The following NDUFAF6 variants were observed in gnomAD, a reference collection of about 807,000 sequenced individuals.
NDUFAF6 encodes the protein NADH:ubiquinone oxidoreductase complex assembly factor 6, also known as NADH dehydrogenase (ubiquinone) complex I, assembly factor 6.
Under a neutral mutation model 40.8 loss-of-function variants are expected in NDUFAF6, and 45 were observed. That is an observed-to-expected ratio of 1.10 (90% CI 0.87 to 1.42). NDUFAF6 has a LOEUF of 1.42. NDUFAF6 is among the 40% of genes most tolerant of loss of function. The probability of loss-of-function intolerance (pLI) is 0.00; values close to 1 mark genes in which losing one functional copy is unlikely to be tolerated. For missense variants in NDUFAF6, 435 were observed against 418.5 expected, an observed-to-expected ratio of 1.04 and a Z score of -0.34; for synonymous variants, 185 against 155.9, an observed-to-expected ratio of 1.19 and a Z score of -1.39.
chr8:95,103,186 G>A (rs555508152), exon 3 of NDUFAF6: 3 of 152,242 alleles, frequency 2.0e-5, no homozygotes, highest in African/African-American at 7.2e-5. Flanking sequence ...GCTCTGATTG[G>A]TCAGCCCTTA....
chr8:95,051,298 T>G (rs1831398973), intron 7 of NDUFAF6, among the ~76,000 whole-genome samples: 1 of 152,086 alleles, frequency 6.6e-6, no homozygotes, highest in African/African-American at 2.4e-5. Flanking sequence ...GGAATAGAAC[T>G]GAGAGCCAGT....
upstream of NDUFAF6, among the ~76,000 whole-genome samples, chr8:95,021,051 A>G (rs1168397878): frequency 6.6e-6 from 1 of 152,214 alleles, no homozygotes; most frequent in African/African-American, 2.4e-5. Context: ...GTTGCGGCTT[A>G]CTTTGATTTA....
At chr8:94,918,665 G>T (rs568009151) in intron 1 of NDUFAF6, among the ~76,000 whole-genome samples, 9 of 152,250 alleles carry the variant, frequency 5.9e-5, no homozygotes. Flanking sequence ...TGTTCTGTTT[G>T]TATCCCCAGG....
chr8:95,031,268 G>T (rs1828805139), intron 1 of NDUFAF6, among the ~76,000 whole-genome samples: 1 of 152,192 alleles, frequency 6.6e-6, no homozygotes, highest in African/African-American at 2.4e-5. Flanking sequence ...GGCTCTTTCA[G>T]CAGGTGCTGC....
intron 2 of NDUFAF6, among the ~76,000 whole-genome samples, chr8:94,951,742 T>C (rs1212381092): frequency 6.6e-6 from 1 of 152,232 alleles, no homozygotes; most frequent in Non-Finnish European, 1.5e-5. Flanking sequence ...TAAAATTCTT[T>C]GCAGACACAC....
chr8:94,997,329 C>G (rs1043239525), intron 2 of NDUFAF6, among the ~76,000 whole-genome samples: 2 of 139,764 alleles, frequency 1.4e-5, no homozygotes, highest in Admixed American at 7.5e-5. Context: ...CACACACACA[C>G]ACACACACAC....
chr8:94,999,355 C>G (rs1480038430), intron 2 of NDUFAF6, among the ~76,000 whole-genome samples: 1 of 152,122 alleles, frequency 6.6e-6, no homozygotes, highest in Non-Finnish European at 1.5e-5. Context: ...ATCTCTTGAC[C>G]TCATGATATG....
intron 1 of NDUFAF6, among the ~76,000 whole-genome samples, chr8:94,906,721 A>T (rs1382486489): frequency 6.6e-6 from 1 of 152,226 alleles, no homozygotes; most frequent in Non-Finnish European, 1.5e-5. Flanking sequence ...GGTTCCTAGT[A>T]ATGAAAGCCA....
intron 2 of NDUFAF6, among the ~76,000 whole-genome samples, chr8:95,091,370 C>T (rs562507278): frequency 8.5e-5 from 13 of 152,096 alleles, no homozygotes; most frequent in African/African-American, 2.7e-4. Context: ...CATGAGAACT[C>T]GCTCACTATC....
At chr8:94,968,799 G>A (rs1309590465) in intron 1 of NDUFAF6, among the ~76,000 whole-genome samples, 1 of 152,220 alleles carries the variant, frequency 6.6e-6, no homozygotes, top group East Asian at 1.9e-4. Flanking sequence ...GCCCAGGGGA[G>A]AGAGAGCAAA....
At chr8:94,907,997 C>T (rs1233313601) in intron 1 of NDUFAF6, among the ~76,000 whole-genome samples, 1 of 152,172 alleles carries the variant, frequency 6.6e-6, no homozygotes, top group African/African-American at 2.4e-5. Flanking sequence ...CTACATTCAC[C>T]TCTCTACTAT....
At chr8:94,917,743 C>T (rs1819234156) in intron 1 of NDUFAF6, among the ~76,000 whole-genome samples, 1 of 152,308 alleles carries the variant, frequency 6.6e-6, no homozygotes, top group South Asian at 2.1e-4. Flanking sequence ...TGTTATCCTG[C>T]TCTTTGTCAA....
At chr8:95,005,735 TTTCTC>T (rs1487211455) in intron 2 of NDUFAF6, among the ~76,000 whole-genome samples, 1 of 151,778 alleles carries the variant, frequency 6.6e-6, no homozygotes, top group African/African-American at 2.4e-5. Flanking sequence ...CTTTGTGTCT[TTTCTC>T]TTCTATCCTT....
chr8:95,081,134 G>T (rs915213669), downstream of NDUFAF6, among the ~76,000 whole-genome samples: 6 of 131,746 alleles, frequency 4.6e-5, no homozygotes, highest in Non-Finnish European at 7.9e-5. Context: ...GGAGTCCTGA[G>T]TCCTGCATCT....
chr8:95,037,312 A>G (rs1043962348), intron 3 of NDUFAF6, among the ~76,000 whole-genome samples: 4 of 152,218 alleles, frequency 2.6e-5, no homozygotes, highest in African/African-American at 9.6e-5. Context: ...TCAGAGCTAT[A>G]TTTTATAATC....
chr8:95,048,521 A>G lies in NDUFAF6; in HGVS notation c.779A>G (p.Tyr260Cys), dbSNP rs746347617. 103 of 1,614,070 alleles carry G rather than the reference A, an allele frequency of 6.4e-5. No individual in the cohort carries two copies. Among genetic ancestry groups the G allele is most frequent in the Admixed American group, 1.7e-4 (10 of 60,008 alleles). Residue 260 changes from tyrosine to cysteine, a missense_variant, in exon 7 of 9, where the codon TAT (tyrosine) becomes TGT (cysteine). By Grantham distance (194) the Tyr-to-Cys change is radical. Coordinates refer to ENST00000396124, the MANE Select transcript of NDUFAF6 (RefSeq NM_152416.4). The stretch of plus-strand genomic sequence containing the variant: ...GATAAAAATGTGAGAGATGTAATAT[A>G]TGACATTGCCAGTCAAGCACACTTG... Reference protein sequence around the residue: ...NQDKNVRDVIYDIASQAHLHL... With the variant: ...NQDKNVRDVICDIASQAHLHL...
At chr8:94,968,046 C>T (rs1824161700) in intron 1 of NDUFAF6, among the ~76,000 whole-genome samples, 1 of 152,150 alleles carries the variant, frequency 6.6e-6, no homozygotes, top group African/African-American at 2.4e-5. Context: ...TGGCAGGCCC[C>T]AGGTCGCTGC....
At chr8:95,102,984 G>A (rs758182220) in exon 3 of NDUFAF6, 5 of 152,148 alleles carry the variant, frequency 3.3e-5, no homozygotes, top group Non-Finnish European at 2.9e-5. Flanking sequence ...AGGCTCTACA[G>A]TCTCATGTAC....
intron 4 of NDUFAF6, among the ~76,000 whole-genome samples, chr8:95,042,891 C>T (rs1830298362): frequency 6.6e-6 from 1 of 152,124 alleles, no homozygotes; most frequent in Non-Finnish European, 1.5e-5. Flanking sequence ...GGGGAAAGAA[C>T]AGTCTTTGCA....
Sources: allele counts gnomAD v4.1 joint callset (sites outside exome capture counted in the v4.1 genomes callset), GRCh38; gene constraint gnomAD v4.1.1; transcripts MANE v1.5; gene names NCBI Gene and HGNC (gene_info 2026-07-23, HGNC 2026-07-21).